Variants in VWA8 observed in about 807,000 individuals in gnomAD.
The protein encoded by VWA8 is von Willebrand factor A domain containing 8.
A neutral mutation model predicts 241.5 loss-of-function variants in VWA8; 221 were observed. That is an observed-to-expected ratio of 0.91 (90% CI 0.82 to 1.02). VWA8 has a LOEUF of 1.02. Ranked by LOEUF, VWA8 falls within the 50% of genes least tolerant of loss-of-function variation. The pLI is 0.00. For missense variants in VWA8, 2,322 were observed against 2,328.7 expected (o/e 1.00, Z 0.06); for synonymous variants, 852 against 827.1 (o/e 1.03, Z -0.52).
intron 17 of VWA8, among the ~76,000 whole-genome samples, chr13:41,793,101 T>C (rs1869528984): frequency 6.6e-6 from 1 of 152,206 alleles, no homozygotes; most frequent in Non-Finnish European, 1.5e-5. Context: ...TGTAAATTTC[T>C]GGTAGATATT....
chr13:41,805,177 T>C (rs1325021670), intron 17 of VWA8, among the ~76,000 whole-genome samples: 1 of 152,058 alleles, frequency 6.6e-6, no homozygotes, highest in African/African-American at 2.4e-5. Flanking sequence ...ACACTTCACA[T>C]ATGAAGATAC....
intron 37 of VWA8, among the ~76,000 whole-genome samples, chr13:41,637,346 A>C (rs2044765405): frequency 7.0e-6 from 1 of 143,854 alleles, no homozygotes; most frequent in African/African-American, 2.6e-5. Context: ...TCTCACTCAT[A>C]GGTGGGAACT....
intron 40 of VWA8, among the ~76,000 whole-genome samples, chr13:41,604,120 G>T (rs997986349): frequency 1.3e-5 from 2 of 151,994 alleles, no homozygotes; most frequent in East Asian, 3.9e-4. Context: ...ATCCATTTTG[G>T]CCCTTAGCCA....
rs199972201 is a variant in VWA8, at chr13:41,804,538, T to TA, written c.2063+6686dup. On this transcript the variant is annotated intron_variant, in intron 17 of 44. Transcript: ENST00000379310. Reference sequence around the variant, plus strand: ...GGAATTAAAAAATTAATTTAAAAATTAAAAAAAAATTAATGAGCAGTAAGA... The same window carrying TA: ...GGAATTAAAAAATTAATTTAAAAATTAAAAAAAAAATTAATGAGCAGTAAGA... Among the ~76,000 whole-genome samples, 720 of 151,284 alleles carry TA rather than the reference T, an allele frequency of 4.8e-3. 13 individuals are homozygous for TA. The highest frequency in any genetic ancestry group is 0.015 in the African/African-American group (634 of 41,290).
At chr13:41,669,632 A>T (rs2045009051) in intron 37 of VWA8, among the ~76,000 whole-genome samples, 1 of 152,246 alleles carries the variant, frequency 6.6e-6, no homozygotes, top group Non-Finnish European at 1.5e-5. Flanking sequence ...AATAAATTTA[A>T]TCTTGACCAG....
intron 35 of VWA8, among the ~76,000 whole-genome samples, chr13:41,676,522 C>A (rs1221585076): frequency 2.0e-5 from 3 of 152,168 alleles, no homozygotes; most frequent in Admixed American, 6.6e-5. Flanking sequence ...AACTGTTATA[C>A]TCATGTGATG....
Position 41,868,351 on chromosome 13 carries a change from T to G in VWA8, c.1207A>C (p.Ile403Leu), listed in dbSNP as rs747303832. ...TIRIADKEVTIKVPAGTRLLS... is the reference protein window; with the variant it reads ...TIRIADKEVTLKVPAGTRLLS... ...ATAAACCTGTGATTAATTACCTTAATGGTCACCTCTTTATCTGCAATCCGG... is the reference window on the plus strand; with the variant it reads ...ATAAACCTGTGATTAATTACCTTAAGGGTCACCTCTTTATCTGCAATCCGG... The change falls in exon 10 of 45, where the codon ATT becomes CTT. Residue 403 changes from isoleucine (I) to leucine (L), a missense_variant. By Grantham distance (5) the Ile-to-Leu change is conservative. Coordinates refer to ENST00000379310, the MANE Select transcript of VWA8 (RefSeq NM_015058.2). 57 of 1,613,848 alleles carry G rather than the reference T, an allele frequency of 3.5e-5. No homozygotes were observed. The highest frequency in any genetic ancestry group is 3.3e-4 in the Middle Eastern group (2 of 6,084).
intron 12 of VWA8, among the ~76,000 whole-genome samples, chr13:41,834,462 A>C (rs2138006396): frequency 6.6e-6 from 1 of 152,364 alleles, no homozygotes; most frequent in South Asian, 2.1e-4. Context: ...TTTGCTTTAT[A>C]TTCATAATGG....
At chr13:41,781,020 C>T (rs1039237972) in intron 19 of VWA8, among the ~76,000 whole-genome samples, 3 of 152,150 alleles carry the variant, frequency 2.0e-5, no homozygotes, top group African/African-American at 7.2e-5. Context: ...TAGTTCAGAT[C>T]CTTCATAAAT....
chr13:41,870,539 T>TAA (rs1873543388), intron 9 of VWA8, among the ~76,000 whole-genome samples: 1 of 148,902 alleles, frequency 6.7e-6, no homozygotes, highest in Admixed American at 6.8e-5. Context: ...CTCGGGAGGC[T>TAA]GGGTCAGGAG....
chr13:41,816,242 C>T (rs548867113), intron 16 of VWA8, among the ~76,000 whole-genome samples: 2 of 152,266 alleles, frequency 1.3e-5, no homozygotes, highest in East Asian at 3.9e-4. Context: ...TCCCATTTTA[C>T]AGATGAGAAC....
At chr13:41,601,547 ATATGAT>A (rs2086081223) in intron 40 of VWA8, among the ~76,000 whole-genome samples, 1 of 152,180 alleles carries the variant, frequency 6.6e-6, no homozygotes, top group Admixed American at 6.6e-5. Flanking sequence ...TGGAGAGAAG[ATATGAT>A]TAAAATCAAG....
At chr13:41,615,216 G>T in intron 37 of VWA8, 132 bp from the exon 38 acceptor site, 1 of 844,486 alleles carries the variant, frequency 1.2e-6, no homozygotes, top group South Asian at 2.1e-5. Flanking sequence ...CTTGATAAAT[G>T]CTGTGAGTAT....
At chr13:41,719,192 A>G (rs1944384066) in intron 26 of VWA8, 3 of 403,590 alleles carry the variant, frequency 7.4e-6, no homozygotes, top group Non-Finnish European at 1.0e-5. Flanking sequence ...AAATTATCAT[A>G]AAGAAAACTA....
chr13:41,807,190 C>A (rs78930579), intron 17 of VWA8, among the ~76,000 whole-genome samples: 26 of 152,098 alleles, frequency 1.7e-4, no homozygotes, highest in South Asian at 2.1e-4. Flanking sequence ...AGATTGACAC[C>A]ATAACAAAAA....
chr13:41,902,435 G>A (rs574158502), intron 4 of VWA8, among the ~76,000 whole-genome samples: 8 of 152,182 alleles, frequency 5.3e-5, no homozygotes, highest in African/African-American at 1.7e-4. Context: ...CAGTTCTTTC[G>A]TATGCTTTTT....
intron 12 of VWA8, among the ~76,000 whole-genome samples, chr13:41,839,711 G>A (rs759721145): frequency 2.6e-5 from 4 of 152,084 alleles, no homozygotes; most frequent in African/African-American, 4.8e-5. Flanking sequence ...GTACATGTGT[G>A]GTGTTACATC....
At chr13:41,918,220 G>A (rs1241738971) in intron 2 of VWA8, among the ~76,000 whole-genome samples, 4 of 152,076 alleles carry the variant, frequency 2.6e-5, no homozygotes, top group Admixed American at 2.6e-4. Context: ...ATCAGCTTAC[G>A]TAGCTTATAT....
chr13:41,737,870 T>A (rs1158675606), intron 21 of VWA8, among the ~76,000 whole-genome samples: 1 of 150,150 alleles, frequency 6.7e-6, no homozygotes, highest in Non-Finnish European at 1.5e-5. Flanking sequence ...AGTTATAAAC[T>A]GTCAATGTAA....
Sources: allele counts gnomAD v4.1 joint callset (sites outside exome capture counted in the v4.1 genomes callset), GRCh38; gene constraint gnomAD v4.1.1; transcripts MANE v1.5; gene names NCBI Gene and HGNC (gene_info 2026-07-23, HGNC 2026-07-21).